Variants in ASTN2 observed in about 807,000 individuals in gnomAD.
ASTN2 encodes astrotactin 2, also known as astrotactin-2.
In ASTN2, 54 loss-of-function variants were observed where a neutral mutation model predicts 139.8. The observed-to-expected ratio is 0.39, with a 90% CI of 0.31 to 0.48. ASTN2 has a LOEUF of 0.48. ASTN2 is among the 20% of genes least tolerant of loss of function. The pLI, the probability that ASTN2 is intolerant of heterozygous loss-of-function variation, is 0.95. For synonymous variants in ASTN2, 756 were observed against 719.5 expected (o/e 1.05, Z -0.81); for missense variants, 1,565 against 1,725.1 (o/e 0.91, Z 1.64).
intron 2 of ASTN2, among the ~76,000 whole-genome samples, chr9:117,269,447 C>A (rs986017630): frequency 6.6e-6 from 1 of 152,176 alleles, no homozygotes; most frequent in Non-Finnish European, 1.5e-5. Flanking sequence ...GACACATCAC[C>A]CCACAAAATT....
At chr9:116,535,837 G>C (rs1303130742) in intron 19 of ASTN2, among the ~76,000 whole-genome samples, 1 of 152,062 alleles carries the variant, frequency 6.6e-6, no homozygotes, top group Non-Finnish European at 1.5e-5. Flanking sequence ...ATGTGTCTTG[G>C]AGTTGTTCTT....
chr9:116,736,280 T>C (rs556635983), intron 13 of ASTN2, among the ~76,000 whole-genome samples: 31 of 152,310 alleles, frequency 2.0e-4, no homozygotes, highest in South Asian at 2.1e-4. Flanking sequence ...AATGACCAGA[T>C]TGTGGTGTTA....
At chr9:117,226,662 A>C (rs1832723403) in intron 2 of ASTN2, among the ~76,000 whole-genome samples, 1 of 152,162 alleles carries the variant, frequency 6.6e-6, no homozygotes, top group African/African-American at 2.4e-5. Flanking sequence ...GGCATTTCTA[A>C]CTTCATTAAC....
At chr9:116,479,502 G>A (rs777219201) in intron 20 of ASTN2, among the ~76,000 whole-genome samples, 1 of 152,140 alleles carries the variant, frequency 6.6e-6, no homozygotes, top group African/African-American at 2.4e-5. Context: ...TAGGATTGTT[G>A]GGCCAGGAGC....
chr9:117,362,941 A>T (rs539497023), intron 1 of ASTN2, among the ~76,000 whole-genome samples: 4 of 152,252 alleles, frequency 2.6e-5, no homozygotes, highest in Admixed American at 1.3e-4. Context: ...AATTTCACTT[A>T]TATAACTAAT....
chr9:116,995,142 T>A (rs1456947474), intron 7 of ASTN2, among the ~76,000 whole-genome samples: 2 of 152,182 alleles, frequency 1.3e-5, no homozygotes, highest in Non-Finnish European at 2.9e-5. Flanking sequence ...AACACTTGTG[T>A]TAGTACAAGT....
intron 10 of ASTN2, among the ~76,000 whole-genome samples, chr9:116,915,599 C>T (rs189567719): frequency 1.2e-4 from 18 of 152,250 alleles, no homozygotes; most frequent in African/African-American, 3.9e-4. Context: ...GAGTTAATCA[C>T]GTCAATCTTG....
chr9:116,565,939 G>A (rs1264055127), intron 19 of ASTN2, among the ~76,000 whole-genome samples: 2 of 152,112 alleles, frequency 1.3e-5, no homozygotes, highest in African/African-American at 4.8e-5. Context: ...CTGGATACTT[G>A]GATACTGTTT....
At chr9:117,397,360 A>G (rs1049052017) in intron 1 of ASTN2, among the ~76,000 whole-genome samples, 3 of 152,238 alleles carry the variant, frequency 2.0e-5, no homozygotes, top group African/African-American at 2.4e-5. Flanking sequence ...TGATTATACT[A>G]TTTAAAAAAA....
At chr9:117,220,580 G>A (rs1832480856) in intron 2 of ASTN2, among the ~76,000 whole-genome samples, 1 of 152,152 alleles carries the variant, frequency 6.6e-6, no homozygotes, top group African/African-American at 2.4e-5. Flanking sequence ...AAGCTCACAT[G>A]AAGATGAAGA....
At chr9:116,586,181 C>G (rs1854138227) in intron 19 of ASTN2, 1 of 152,198 alleles carries the variant, frequency 6.6e-6, no homozygotes, top group Non-Finnish European at 1.5e-5. Flanking sequence ...AAGGGGAACA[C>G]TTATTCACTG....
chr9:117,407,290 G>A lies in ASTN2; in HGVS notation c.442+7207C>T, dbSNP rs545821993. Among the ~76,000 whole-genome samples, 218 of 152,256 alleles carry A rather than the reference G, an allele frequency of 1.4e-3. 1 individual carries two copies. The highest frequency in any genetic ancestry group is 2.4e-3 in the Non-Finnish European group (160 of 68,018). ...AATTCAACACCTTCAGAACAATGGG[G>A]AAGCAGTGAAGTGCTTTACAAGAGG... On this transcript the variant is annotated intron_variant, in intron 1 of 22. Transcript: ENST00000313400.
intron 3 of ASTN2, among the ~76,000 whole-genome samples, chr9:117,197,817 T>C (rs1831557046): frequency 2.0e-5 from 3 of 152,212 alleles, no homozygotes; most frequent in African/African-American, 7.2e-5. Context: ...ATGTTAATTA[T>C]TGAAAAATAT....
chr9:117,205,068 T>C (rs1831870935), intron 3 of ASTN2, among the ~76,000 whole-genome samples: 1 of 152,166 alleles, frequency 6.6e-6, no homozygotes, highest in Non-Finnish European at 1.5e-5. Flanking sequence ...GTCCTTGTTG[T>C]AAGATGAGAA....
At chr9:116,971,212 C>T (rs760424420) in intron 10 of ASTN2, among the ~76,000 whole-genome samples, 3 of 152,300 alleles carry the variant, frequency 2.0e-5, no homozygotes, top group South Asian at 2.1e-4. Flanking sequence ...TAGCTGGCAT[C>T]GTTAGTGTCT....
intron 13 of ASTN2, among the ~76,000 whole-genome samples, chr9:116,736,428 C>T (rs973147889): frequency 5.9e-5 from 9 of 152,160 alleles, no homozygotes; most frequent in Admixed American, 4.6e-4. Context: ...TCCTAGCACT[C>T]CTCATCACTG....
chr9:117,294,774 G>T (rs1289446350), intron 1 of ASTN2, among the ~76,000 whole-genome samples: 1 of 152,104 alleles, frequency 6.6e-6, no homozygotes, highest in East Asian at 1.9e-4. Flanking sequence ...CTCCATCCCT[G>T]CAGGACTTAC....
At chr9:116,628,495 A>G (rs928099218) in intron 17 of ASTN2, among the ~76,000 whole-genome samples, 4 of 152,130 alleles carry the variant, frequency 2.6e-5, no homozygotes, top group African/African-American at 9.7e-5. Flanking sequence ...CCCATCCTAG[A>G]TATACTGACT....
At chr9:116,548,693 C>T (rs1489985710) in intron 19 of ASTN2, among the ~76,000 whole-genome samples, 4 of 152,162 alleles carry the variant, frequency 2.6e-5, no homozygotes, top group Admixed American at 1.3e-4. Flanking sequence ...AGGTTGGTCT[C>T]GAACTCCTGA....
Sources: gnomAD v4.1 joint callset for allele counts (sites outside exome capture counted in the v4.1 genomes callset) on GRCh38, gnomAD v4.1.1 for gene constraint, MANE v1.5 for transcripts, NCBI Gene and HGNC (gene_info 2026-07-23, HGNC 2026-07-21) for gene names.